The following PGAM5 variants were observed in gnomAD, a reference collection of about 807,000 sequenced individuals.
The protein encoded by PGAM5 is PGAM family member 5, mitochondrial serine/threonine protein phosphatase.
In PGAM5, 25 loss-of-function variants were observed where a neutral mutation model predicts 30.6. That is an observed-to-expected ratio of 0.82 (90% CI 0.60 to 1.14). The LOEUF (loss-of-function observed/expected upper bound fraction) is 1.14. PGAM5 is among the 50% of genes most tolerant of loss of function. The pLI is 0.00. For missense variants in PGAM5, 384 were observed against 408.5 expected (o/e 0.94, Z 0.52); for synonymous variants, 201 against 179.1 (o/e 1.12, Z -0.98).
chr12:132,715,349 T>C (rs1032279641), intron 2 of PGAM5, among the ~76,000 whole-genome samples: 22 of 150,796 alleles, frequency 1.5e-4, no homozygotes, highest in African/African-American at 5.4e-4. Context: ...GGCAGGTGGA[T>C]TACCTGAGGT....
chr12:132,719,442 T>C (rs1032108126), intron 5 of PGAM5, among the ~76,000 whole-genome samples: 1 of 152,038 alleles, frequency 6.6e-6, no homozygotes, highest in Non-Finnish European at 1.5e-5. Context: ...AGATAGAGCT[T>C]TTCTGGGGGT....
intron 5 of PGAM5, chr12:132,719,205 T>G: frequency 8.6e-7 from 1 of 1,158,308 alleles, no homozygotes; most frequent in Non-Finnish European, 1.1e-6. Flanking sequence ...AATGTGTGTG[T>G]GGGCTCCGCA....
Position 132,710,858 on chromosome 12 carries a change from C to G in PGAM5, c.-19C>G. The G allele has an allele frequency of 8.9e-7, 1 of 1,117,460 alleles. No individual in the cohort carries two copies. Among genetic ancestry groups the G allele is most frequent in the South Asian group, 4.3e-5 (1 of 23,070 alleles). The allele number at this position is 1,117,460 out of a possible 1,614,324, so 69.2% of individuals were successfully genotyped here. On this transcript the variant is annotated 5_prime_UTR_variant, in exon 1 of 6. Transcript: ENST00000498926. ...CGGGGCCGTGGGCGCCTGCGCGGGC[C>G]GGCGCGGGAGCAAGCGGCATGGCGT... is the stretch of plus-strand genomic sequence containing the variant.
chr12:132,720,792 G>A lies in PGAM5; in HGVS notation c.834G>A (p.Thr278=), dbSNP rs575945264. Residue 278 remains threonine (T), a synonymous_variant, in exon 6 of 6, where the codon ACG becomes ACA. Coordinates refer to ENST00000498926, the MANE Select transcript of PGAM5 (RefSeq NM_001170543.2). The part of the protein sequence containing the change: ...GRVALRTLGD[T]GFMPPDKITR... The stretch of plus-strand genomic sequence containing the variant: ...TTGCGCTCAGGACCCTCGGGGACAC[G>A]GGGTTCATGCCTCCCGACAAGATCA... The A allele has an allele frequency of 9.1e-6, 14 of 1,536,338 alleles. No individual in the cohort carries two copies. The highest frequency in any genetic ancestry group is 1.7e-4 in the Middle Eastern group (1 of 6,012).
intron 2 of PGAM5, among the ~76,000 whole-genome samples, chr12:132,715,684 G>C (rs151262346): frequency 0.041 from 6,218 of 152,262 alleles, 234 homozygotes; most frequent in Admixed American, 0.12. Context: ...TTCGAGACCA[G>C]CCTGGCCAAC....
chr12:132,714,716 C>G, intron 1 of PGAM5, 142 bp from the exon 2 acceptor site: 2 of 852,888 alleles, frequency 2.3e-6, no homozygotes, highest in Non-Finnish European at 3.6e-6. Context: ...CTCAGAGAGG[C>G]CTCCCCAGGG....
chr12:132,713,395 T>C (rs2136079759), intron 1 of PGAM5, among the ~76,000 whole-genome samples: 1 of 152,278 alleles, frequency 6.6e-6, no homozygotes, highest in East Asian at 1.9e-4. Context: ...CCTCATCTGG[T>C]GAAATCTCCA....
rs557561899 is a variant in PGAM5, at chr12:132,714,104, G to A, written c.192-754G>A. On this transcript the variant is annotated intron_variant, in intron 1 of 5. Coordinates refer to ENST00000498926, the MANE Select transcript of PGAM5 (RefSeq NM_001170543.2). ...ACGATCTCGGCTCTCTGCAACCTCC[G>A]CCTCCCAGGTTCAAGCGATTCTCCT... 2.6e-5 allele frequency among the ~76,000 whole-genome samples: 4 copies of A among 152,122 alleles called. No individual in the cohort carries two copies. In the South Asian group the frequency reaches 6.2e-4, roughly 24 times the overall value.
intron 5 of PGAM5, 31 bp from the exon 6 acceptor site, chr12:132,720,647 G>A (rs775653117): frequency 9.2e-6 from 14 of 1,527,484 alleles, no homozygotes; most frequent in East Asian, 4.9e-5. Context: ...TGGCTCTAAC[G>A]TGCTCTTTCT....
At chr12:132,716,572 C>G (rs1350949063) in intron 2 of PGAM5, among the ~76,000 whole-genome samples, 2 of 152,160 alleles carry the variant, frequency 1.3e-5, no homozygotes, top group Non-Finnish European at 2.9e-5. Flanking sequence ...CGGGACTGAG[C>G]AACAGGATCC....
In PGAM5 at chr12:132,721,003, GT is replaced by G; in HGVS notation, c.*179del. The stretch of plus-strand genomic sequence containing the variant: ...TCAGACAGCCTGACTTCTCTGCAGG[GT>G]TTTATACCTGACCATGAACCCCCAG... On this transcript the variant is annotated 3_prime_UTR_variant, in exon 6 of 6. Coordinates refer to ENST00000498926, the MANE Select transcript of PGAM5 (RefSeq NM_001170543.2). 1 of 760,392 alleles carries G rather than the reference GT, an allele frequency of 1.3e-6. No homozygotes were observed. The highest frequency in any genetic ancestry group is 2.0e-6 in the Non-Finnish European group (1 of 494,896). The allele number at this position is 760,392 out of a possible 1,614,324, so 47.1% of individuals were successfully genotyped here.
At chr12:132,718,961 G>A (rs2043616656) in intron 5 of PGAM5, 7 of 1,500,610 alleles carry the variant, frequency 4.7e-6, no homozygotes, top group Non-Finnish European at 6.2e-6. Context: ...AACCTGCTCT[G>A]GTGCCCCACT....
At position 132,722,116 on chromosome 12, in the gene PGAM5, C is replaced by G. The variant is rs114593046; in HGVS notation, c.*1288C>G. 6.6e-6 allele frequency: 1 copy of G among 152,110 alleles called. No homozygotes were observed. Among genetic ancestry groups the G allele is most frequent in the Non-Finnish European group, 1.5e-5 (1 of 68,052 alleles). 9.4% of individuals were successfully genotyped at this position (152,110 alleles called of 1,614,324 possible). On this transcript the variant is annotated 3_prime_UTR_variant, in exon 6 of 6. Transcript: ENST00000498926. ...TCGCCTTTGACCTTCATGCTGGTCT[C>G]GGCTGAGGTGACACGCTAGTGACAG...
Position 132,720,953 on chromosome 12 carries a change from C to G in PGAM5, c.*125C>G, listed in dbSNP as rs2043639171. 2 of 1,236,342 alleles carry G rather than the reference C, an allele frequency of 1.6e-6. No homozygotes were observed. Among genetic ancestry groups the G allele is most frequent in the South Asian group, 3.1e-5 (2 of 64,242 alleles). The allele number at this position is 1,236,342 out of a possible 1,614,324, so 76.6% of individuals were successfully genotyped here. On this transcript the variant is annotated 3_prime_UTR_variant, in exon 6 of 6. Transcript: ENST00000498926. ...CTGCATCTGGGAACTGACTTGTGAC[C>G]AGGCTGAGAAGGGGAGAGTTGGGAT...
At chr12:132,718,202 T>C (rs898859979) in intron 5 of PGAM5, 82 bp downstream of exon 5, 7 of 1,552,348 alleles carry the variant, frequency 4.5e-6, no homozygotes, top group Admixed American at 1.8e-5. Context: ...AGCGAGACCC[T>C]CCTCCACTGC....
intron 5 of PGAM5, chr12:132,718,751 CCCACTGGCAGCATCCCGCCGCTGTTGT>C (rs749456564): frequency 7.4e-6 from 12 of 1,613,402 alleles, no homozygotes; most frequent in Non-Finnish European, 7.6e-6. Context: ...CCGGCTGGAT[CCCACTGGCAGCATCCCGCCGCTGTTGT>C]CCGCTGGGGA....
In PGAM5 at chr12:132,720,730, A is replaced by G. The variant is rs1192900199; in HGVS notation, c.772A>G (p.Ser258Gly). 1 of 1,535,926 alleles carries G rather than the reference A, an allele frequency of 6.5e-7. No individual in the cohort carries two copies. The highest frequency in any genetic ancestry group is 1.4e-5 in the African/African-American group (1 of 72,898). The change falls in exon 6 of 6, where the codon AGC becomes GGC. Residue 258 changes from serine (S) to glycine (G), a missense_variant. By Grantham distance (56) the Ser-to-Gly change is moderately conservative. Coordinates refer to ENST00000498926, the MANE Select transcript of PGAM5 (RefSeq NM_001170543.2). ...GCTCCGGCTCTCCCTCAATAATGGC[A>G]GCATCACCCACCTGGTGATCCGACC... is the stretch of plus-strand genomic sequence containing the variant. ...GWLRLSLNNG[S>G]ITHLVIRPNG... is the part of the protein sequence containing the mutation.
intron 1 of PGAM5, among the ~76,000 whole-genome samples, chr12:132,712,085 G>A (rs1479488927): frequency 6.6e-6 from 1 of 152,096 alleles, no homozygotes. Context: ...TTTATCTTTT[G>A]TTAACCTTAT....
Position 132,717,699 on chromosome 12 carries a change from C to T in PGAM5, c.497-11C>T, listed in dbSNP as rs2043595561. ...CCGCCTCACCCAGCGCTTCGCTGTG[C>T]TTCTCTGCAGGCGTCTGCAAAGTCA... On this transcript the variant is annotated splice_polypyrimidine_tract_variant and intron_variant, in intron 3 of 5. Coordinates refer to ENST00000498926, the MANE Select transcript of PGAM5 (RefSeq NM_001170543.2). 1.9e-6 allele frequency: 3 copies of T among 1,568,480 alleles called. No individual in the cohort carries two copies. The highest frequency in any genetic ancestry group is 1.2e-5 in the South Asian group (1 of 86,910).
Sources: allele counts gnomAD v4.1 joint callset (sites outside exome capture counted in the v4.1 genomes callset), GRCh38; gene constraint gnomAD v4.1.1; transcripts MANE v1.5; gene names NCBI Gene and HGNC (gene_info 2026-07-23, HGNC 2026-07-21).